Variants in FREM2 observed in about 807,000 individuals in gnomAD.
The protein encoded by FREM2 is FRAS1 related extracellular matrix 2.
FREM2 carries 119 observed loss-of-function variants against 219.9 expected under a neutral mutation model. The observed-to-expected ratio is 0.54, with a 90% confidence interval of 0.47 to 0.63. FREM2 has a LOEUF of 0.63. Among genes scored for constraint, FREM2 ranks in the 30% least tolerant of loss-of-function variants. The pLI, the probability that FREM2 is intolerant of heterozygous loss-of-function variation, is 0.00. For synonymous variants in FREM2, 1,562 were observed against 1,522.8 expected, an observed-to-expected ratio of 1.03 and a Z score of -0.60; for missense variants, 4,030 against 3,993.6, an observed-to-expected ratio of 1.01 and a Z score of -0.25.
intron 16 of FREM2, among the ~76,000 whole-genome samples, chr13:38,869,704 A>G (rs1376957331): frequency 6.6e-6 from 1 of 152,266 alleles, no homozygotes; most frequent in African/African-American, 2.4e-5. Context: ...ATTCCACTCT[A>G]CCTTTGTGTG....
At chr13:38,766,596 T>C (rs1175622477) in intron 3 of FREM2, among the ~76,000 whole-genome samples, 2 of 152,218 alleles carry the variant, frequency 1.3e-5, no homozygotes, top group African/African-American at 4.8e-5. Context: ...ATAGATTGCA[T>C]TATAGCAAAA....
At chr13:38,694,466 C>T (rs947046857) in intron 1 of FREM2, among the ~76,000 whole-genome samples, 2 of 152,150 alleles carry the variant, frequency 1.3e-5, no homozygotes, top group Admixed American at 6.5e-5. Flanking sequence ...ACGGAGAAAG[C>T]GCCATCAGAA....
In FREM2 at chr13:38,877,250, C is replaced by T; in HGVS notation, c.8671+7C>T. On this transcript the variant is annotated splice_region_variant and intron_variant, in intron 21 of 23. Transcript: ENST00000280481. ...GATGTTGCTTTTGCAGAAGGTATCA[C>T]TTTACAAATGAGAGGGATGCTCTGT... 6.2e-7 allele frequency: 1 copy of T among 1,613,874 alleles called. No individual in the cohort carries two copies. Among genetic ancestry groups the T allele is most frequent in the South Asian group, 1.1e-5 (1 of 91,084 alleles).
At chr13:38,754,485 C>A (rs528156694) in intron 2 of FREM2, among the ~76,000 whole-genome samples, 1 of 152,278 alleles carries the variant, frequency 6.6e-6, no homozygotes, top group African/African-American at 2.4e-5. Context: ...ATAATATTAG[C>A]AGGCTGCACT....
intron 6 of FREM2, among the ~76,000 whole-genome samples, chr13:38,808,091 T>C (rs1875323461): frequency 6.6e-6 from 1 of 152,012 alleles, no homozygotes; most frequent in Admixed American, 6.6e-5. Context: ...CTTGCTGCTT[T>C]ACCTTGCACT....
intron 6 of FREM2, 119 bp from the exon 7 acceptor site, chr13:38,846,454 A>G: frequency 1.0e-6 from 1 of 1,002,712 alleles, no homozygotes; most frequent in Non-Finnish European, 1.5e-6. Context: ...AAAGGAAAAA[A>G]GTATGATGAT....
rs1415080052 is a variant in FREM2, at chr13:38,883,630, T to C, written c.*2843T>C. The stretch of plus-strand genomic sequence containing the variant: ...AACATTTACTGGTGCTCACCTAGGA[T>C]TGGCTATTCTGAGGGATTGCATAGA... On this transcript the variant is annotated 3_prime_UTR_variant, in exon 24 of 24. Coordinates refer to ENST00000280481, the MANE Select transcript of FREM2 (RefSeq NM_207361.6). The C allele has an allele frequency of 2.6e-5, 4 of 152,292 alleles. No individual in the cohort carries two copies. In the East Asian group the frequency reaches 5.8e-4, roughly 22 times the overall value. 9.4% of individuals were successfully genotyped at this position (152,292 alleles called of 1,614,324 possible). A position where few individuals can be genotyped will look rare whatever the true frequency, so the allele number is the denominator to read the frequency against.
In FREM2 at chr13:38,697,766, T is replaced by C; in HGVS notation, c.5242T>C (p.Tyr1748His). Residue 1748 changes from tyrosine to histidine, a missense_variant, in exon 2 of 24, where the codon TAT (tyrosine) becomes CAT (histidine). Around this residue, in one of 2 missense-constraint regions of FREM2, gnomAD observed 3,102 missense variants for 2,950.7 expected, o/e 1.05. Coordinates refer to ENST00000280481, the MANE Select transcript of FREM2 (RefSeq NM_207361.6). ...EGANATSDMF[Y>H]FAVEDGGGNK... ...GGCTAATGCCACAAGTGATATGTTC[T>C]ATTTTGCAGTTGAAGATGGTGGTAA... 5 of 1,605,520 alleles carry C rather than the reference T, an allele frequency of 3.1e-6. No individual in the cohort carries two copies. The highest frequency in any genetic ancestry group is 4.3e-6 in the Non-Finnish European group (5 of 1,172,180).
chr13:38,687,262 C>G lies in FREM2; in HGVS notation c.-83C>G. ...GCAACGCGCGGAGTTCCTGGCACTT[C>G]CCGGCGGTGTCTCTTGTTGTCTGCC... On this transcript the variant is annotated 5_prime_UTR_variant, in exon 1 of 24. Transcript: ENST00000280481. 13 of 1,537,676 alleles carry G rather than the reference C, an allele frequency of 8.5e-6. No individual in the cohort carries two copies. The highest frequency in any genetic ancestry group is 1.1e-5 in the Non-Finnish European group (13 of 1,136,130).
At chr13:38,849,385 C>T (rs1293182407) in intron 8 of FREM2, among the ~76,000 whole-genome samples, 3 of 152,182 alleles carry the variant, frequency 2.0e-5, no homozygotes, top group Admixed American at 2.0e-4. Flanking sequence ...TCTTTCTCCA[C>T]TTCACAGCAC....
At chr13:38,827,774 G>A (rs1856280017) in intron 6 of FREM2, among the ~76,000 whole-genome samples, 1 of 152,096 alleles carries the variant, frequency 6.6e-6, no homozygotes, top group African/African-American at 2.4e-5. Flanking sequence ...CAGTTCCCTA[G>A]ACAGCATAAT....
chr13:38,850,034 G>T lies in FREM2; in HGVS notation c.6380-4G>T, dbSNP rs1023973860. ...CTGTTCACTTTAATCCTTTGTTTTT[G>T]CAGTGCCTAAGATGCAATTCAAAGA... On this transcript the variant is annotated splice_region_variant and splice_polypyrimidine_tract_variant and intron_variant, in intron 8 of 23. Transcript: ENST00000280481. 1.2e-6 allele frequency: 2 copies of T among 1,612,348 alleles called. No homozygotes were observed. Among genetic ancestry groups the T allele is most frequent in the Non-Finnish European group, 1.7e-6 (2 of 1,178,562 alleles).
intron 6 of FREM2, among the ~76,000 whole-genome samples, chr13:38,831,101 G>A (rs2094867491): frequency 6.6e-6 from 1 of 152,148 alleles, no homozygotes; most frequent in Non-Finnish European, 1.5e-5. Flanking sequence ...GCACCTCACT[G>A]AGTCGAGAAA....
At chr13:38,822,286 A>C (rs563958589) in intron 6 of FREM2, among the ~76,000 whole-genome samples, 198 of 151,836 alleles carry the variant, frequency 1.3e-3, no homozygotes, top group Non-Finnish European at 2.3e-3. Flanking sequence ...AGGCCCAGGA[A>C]GTATACTACA....
chr13:38,804,155 G>A (rs145070777), intron 6 of FREM2, among the ~76,000 whole-genome samples: 1 of 151,958 alleles, frequency 6.6e-6, no homozygotes, highest in African/African-American at 2.4e-5. Flanking sequence ...GTAGAAAAAT[G>A]AGTTTCTAAT....
At chr13:38,783,239 T>C (rs780367222) in intron 5 of FREM2, 44 bp downstream of exon 5, 37 of 1,608,740 alleles carry the variant, frequency 2.3e-5, no homozygotes, top group Non-Finnish European at 3.0e-5. Context: ...CCAAAAGATA[T>C]AAATAAGCCT....
intron 2 of FREM2, among the ~76,000 whole-genome samples, chr13:38,698,171 AAAGGAGCTGCTTTTTCCTG>A (rs1444422014): frequency 6.6e-6 from 1 of 152,160 alleles, no homozygotes; most frequent in Non-Finnish European, 1.5e-5. Flanking sequence ...GTAGCTGCCC[AAAGGAGCTGCTTTTTCCTG>A]ATTTGCTCAT....
chr13:38,880,717 C>G lies in FREM2; in HGVS notation c.9440C>G (p.Pro3147Arg), dbSNP rs535724772. Residue 3147 changes from proline to arginine, a missense_variant, in exon 24 of 24, where the codon CCG (proline) becomes CGG (arginine). Coordinates refer to ENST00000280481, the MANE Select transcript of FREM2 (RefSeq NM_207361.6). ...GAAAGTTTCAGGGGGAAGGATGCCC[C>G]GAAAGGCTCCAGCAGCAGTGAGCCC... ...GKESFRGKDA[P>R]KGSSSSEPMV... 5 of 1,613,988 alleles carry G rather than the reference C, an allele frequency of 3.1e-6. No individual in the cohort carries two copies. The highest frequency in any genetic ancestry group is 4.2e-6 in the Non-Finnish European group (5 of 1,180,022).
chr13:38,687,110 A>C lies in FREM2; in HGVS notation c.-235A>C. On this transcript the variant is annotated 5_prime_UTR_variant, in exon 1 of 24. Transcript: ENST00000280481. ...AGGGATTCAATTCTCCGCGCGATTGAGGCGCTAGCGGCGGAGCTGGACGGC... is the reference window on the plus strand; with the variant it reads ...AGGGATTCAATTCTCCGCGCGATTGCGGCGCTAGCGGCGGAGCTGGACGGC... 3.4e-6 allele frequency: 2 copies of C among 592,420 alleles called. No homozygotes were observed. Among genetic ancestry groups the C allele is most frequent in the South Asian group, 2.1e-5 (1 of 47,418 alleles). 36.7% of individuals were successfully genotyped at this position (592,420 alleles called of 1,614,324 possible).
Sources: gnomAD v4.1 joint callset for allele counts (sites outside exome capture counted in the v4.1 genomes callset) on GRCh38, gnomAD v4.1.1 for gene constraint, gnomAD v4.1.1 regional missense constraint, MANE v1.5 for transcripts, NCBI Gene and HGNC (gene_info 2026-07-23, HGNC 2026-07-21) for gene names.